The following ACACB variants were observed in gnomAD, a reference collection of about 807,000 sequenced individuals.
ACACB encodes acetyl-CoA carboxylase 2.
Under a neutral mutation model 278.8 loss-of-function variants are expected in ACACB, and 209 were observed. The ratio of observed to expected loss-of-function variants is 0.75; its 90% confidence interval spans 0.67 to 0.84. The LOEUF (loss-of-function observed/expected upper bound fraction) is 0.84. Among genes scored for constraint, ACACB ranks in the 40% least tolerant of loss-of-function variants. ACACB has a pLI of 0.00. For synonymous variants in ACACB, 1,174 were observed against 1,285.6 expected, an observed-to-expected ratio of 0.91 and a Z score of 1.86; for missense variants, 2,850 against 3,269.0, an observed-to-expected ratio of 0.87 and a Z score of 3.13.
At chr12:109,145,535 A>G (rs373517870) in intron 2 of ACACB, among the ~76,000 whole-genome samples, 17 of 152,032 alleles carry the variant, frequency 1.1e-4, no homozygotes, top group African/African-American at 4.1e-4. Context: ...AGCTCCACTT[A>G]TAAGTGAGAA....
In ACACB at chr12:109,232,745, T is replaced by G. The variant is rs757947070; in HGVS notation, c.4078T>G (p.Ser1360Ala). Residue 1360 changes from serine (S) to alanine (A), a missense_variant, in exon 29 of 53, where the codon TCC (serine) becomes GCC (alanine). By Grantham distance (99) the Ser-to-Ala change is moderately conservative. Around this residue, in one of 3 missense-constraint regions of ACACB, gnomAD observed 2,265 missense variants for 2,561.3 expected, o/e 0.88. Coordinates refer to ENST00000338432, the MANE Select transcript of ACACB (RefSeq NM_001093.4). ...STELFMDSGF[S>A]PLCQRMGAMV... is the part of the protein sequence containing the mutation. Reference sequence around the variant, plus strand: ...AGAGCTCTTCATGGACAGCGGCTTCTCCCCACTGTGCCAGCGCATGGGAGC... The same window carrying G: ...AGAGCTCTTCATGGACAGCGGCTTCGCCCCACTGTGCCAGCGCATGGGAGC... The G allele has an allele frequency of 1.2e-6, 2 of 1,613,918 alleles. No homozygotes were observed. Among genetic ancestry groups the G allele is most frequent in the African/African-American group, 2.7e-5 (2 of 74,864 alleles).
intron 20 of ACACB, 105 bp from the exon 21 acceptor site, chr12:109,209,060 G>A (rs954329720): frequency 1.5e-6 from 2 of 1,298,102 alleles, no homozygotes; most frequent in Non-Finnish European, 1.1e-6. Flanking sequence ...AGCCACTTGA[G>A]TGCATGGGGT....
chr12:109,218,011 G>A (rs145692567), intron 24 of ACACB, among the ~76,000 whole-genome samples: 408 of 152,320 alleles, frequency 2.7e-3, no homozygotes, highest in African/African-American at 9.4e-3. Flanking sequence ...AGCACAGAGA[G>A]GTTAAGCCAC....
At chr12:109,124,438 T>C (rs2042627429) in intron 1 of ACACB, among the ~76,000 whole-genome samples, 1 of 152,224 alleles carries the variant, frequency 6.6e-6, no homozygotes. Context: ...TTAGCAGGAA[T>C]ACTTTGAAGG....
intron 2 of ACACB, among the ~76,000 whole-genome samples, chr12:109,140,260 T>C (rs4766496): frequency 3.1e-5 from 2 of 65,072 alleles, no homozygotes; most frequent in African/African-American, 5.8e-5. Flanking sequence ...CCTTCCATCC[T>C]TCCTTCCTTC....
Position 109,234,913 on chromosome 12 carries a change from T to G in ACACB, c.4348-400T>G, listed in dbSNP as rs562335618. Among the ~76,000 whole-genome samples the G allele has an allele frequency of 7.0e-5, 10 of 142,364 alleles. No homozygotes were observed. In the South Asian group the frequency reaches 2.2e-3, roughly 32 times the overall value. The allele number at this position is 142,364 out of a possible 152,430, so 93.4% of individuals were successfully genotyped here. On this transcript the variant is annotated intron_variant, in intron 31 of 52. Coordinates refer to ENST00000338432, the MANE Select transcript of ACACB (RefSeq NM_001093.4). ...CTGCACGTTCTGCACATGTATCCTG[T>G]TTTTTTTTTTAGAAGAAATAAGAAA...
chr12:109,225,052 C>CA (rs1006130971), intron 27 of ACACB, among the ~76,000 whole-genome samples: 2 of 152,184 alleles, frequency 1.3e-5, no homozygotes, highest in Admixed American at 6.5e-5. Flanking sequence ...CCTGGGCCTG[C>CA]AACTTTTATT....
At chr12:109,239,682 C>A in intron 34 of ACACB, 148 bp from the exon 35 acceptor site, 1 of 888,584 alleles carries the variant, frequency 1.1e-6, no homozygotes, top group Non-Finnish European at 1.7e-6. Flanking sequence ...CTCTGAGAGG[C>A]AGGGCTCTGC....
At chr12:109,265,631 T>G in intron 52 of ACACB, 106 bp downstream of exon 52, 1 of 1,417,038 alleles carries the variant, frequency 7.1e-7, no homozygotes. Context: ...CGCCACCCTG[T>G]GCAGTCTGGG....
intron 47 of ACACB, among the ~76,000 whole-genome samples, chr12:109,259,787 A>G (rs191074798): frequency 6.6e-6 from 1 of 152,190 alleles, no homozygotes; most frequent in East Asian, 1.9e-4. Flanking sequence ...TGACCTTACA[A>G]TTGTGTGAGG....
Position 109,176,132 on chromosome 12 carries a change from CTGTT to C in ACACB, c.1327-17_1327-14del. On this transcript the variant is annotated splice_polypyrimidine_tract_variant and intron_variant, in intron 8 of 52. Coordinates refer to ENST00000338432, the MANE Select transcript of ACACB (RefSeq NM_001093.4). ...GCAACTGGCTAACCTCTAAAGAGGT[CTGTT>C]TGTCCTTTGCACCCAGGCAGCAGAA... 1 of 1,613,604 alleles carries C rather than the reference CTGTT, an allele frequency of 6.2e-7. No individual in the cohort carries two copies. Among genetic ancestry groups the C allele is most frequent in the Non-Finnish European group, 8.5e-7 (1 of 1,179,496 alleles).
At chr12:109,255,173 T>TTCTC (rs985600883) in intron 44 of ACACB, among the ~76,000 whole-genome samples, 1 of 152,070 alleles carries the variant, frequency 6.6e-6, no homozygotes, top group Non-Finnish European at 1.5e-5. Flanking sequence ...CACACACACA[T>TTCTC]TCTCTCTCTG....
chr12:109,147,153 A>T (rs910753995), intron 2 of ACACB, among the ~76,000 whole-genome samples: 6 of 152,122 alleles, frequency 3.9e-5, no homozygotes, highest in African/African-American at 1.4e-4. Flanking sequence ...AATTACCTTC[A>T]GTATCTTTAT....
intron 21 of ACACB, among the ~76,000 whole-genome samples, chr12:109,210,474 T>G (rs564146795): frequency 1.4e-5 from 2 of 147,724 alleles, no homozygotes; most frequent in Non-Finnish European, 1.5e-5. Context: ...CGCACATACA[T>G]GTGTATATGT....
At chr12:109,201,302 A>G (rs2045322864) in intron 18 of ACACB, among the ~76,000 whole-genome samples, 1 of 152,238 alleles carries the variant, frequency 6.6e-6, no homozygotes, top group Non-Finnish European at 1.5e-5. Context: ...GGAAATAAAC[A>G]TCAGTTTCCA....
At chr12:109,114,217 G>C (rs923149597), upstream of ACACB, among the ~76,000 whole-genome samples, 4 of 152,128 alleles carry the variant, frequency 2.6e-5, no homozygotes, top group Admixed American at 1.3e-4. Flanking sequence ...TTTGAAATAT[G>C]CTTGGAAATA....
chr12:109,220,676 C>T (rs1478431671), intron 24 of ACACB, among the ~76,000 whole-genome samples: 1 of 152,044 alleles, frequency 6.6e-6, no homozygotes, highest in South Asian at 2.1e-4. Flanking sequence ...CTCAGCCTCC[C>T]GAGTAGCTGG....
chr12:109,249,939 T>C (rs1393518325), intron 40 of ACACB, 45 bp from the exon 41 acceptor site: 4 of 1,564,024 alleles, frequency 2.6e-6, no homozygotes, highest in Non-Finnish European at 1.7e-6. Flanking sequence ...ACCTTGGATT[T>C]TTTGGGGCTA....
intron 2 of ACACB, among the ~76,000 whole-genome samples, chr12:109,156,320 G>A (rs549581293): frequency 5.1e-4 from 77 of 152,074 alleles, no homozygotes; most frequent in African/African-American, 1.8e-3. Flanking sequence ...GCTTGAACTC[G>A]GGAGTTCGAG....
Sources: gnomAD v4.1 joint callset for allele counts (sites outside exome capture counted in the v4.1 genomes callset) on GRCh38, gnomAD v4.1.1 for gene constraint, gnomAD v4.1.1 regional missense constraint, MANE v1.5 for transcripts, NCBI Gene and HGNC (gene_info 2026-07-23, HGNC 2026-07-21) for gene names.